Variants in OPCML observed in about 807,000 individuals in gnomAD.
OPCML encodes opioid binding protein/cell adhesion molecule like.
In OPCML, 13 loss-of-function variants were observed where a neutral mutation model predicts 37.8. That is an observed-to-expected ratio of 0.34 (90% CI 0.22 to 0.55). The LOEUF (loss-of-function observed/expected upper bound fraction) is 0.55, where lower values mean the gene tolerates loss of function less well. Among genes scored for constraint, OPCML ranks in the 20% least tolerant of loss-of-function variants. The probability of loss-of-function intolerance (pLI) is 0.91; values close to 1 mark genes in which losing one functional copy is unlikely to be tolerated. For missense variants in OPCML, 341 were observed against 435.6 expected, an observed-to-expected ratio of 0.78 and a Z score of 1.93; for synonymous variants, 176 against 168.8, an observed-to-expected ratio of 1.04 and a Z score of -0.33.
At chr11:132,463,148 C>G (rs1434544271) in intron 4 of OPCML, among the ~76,000 whole-genome samples, 1 of 152,222 alleles carries the variant, frequency 6.6e-6, no homozygotes. Context: ...ATACAATCTT[C>G]CAGTTTCACT....
chr11:132,941,995 T>G (rs1472951343), intron 2 of OPCML, among the ~76,000 whole-genome samples: 1 of 152,192 alleles, frequency 6.6e-6, no homozygotes, highest in South Asian at 2.1e-4. Flanking sequence ...ATTGTCACCA[T>G]AACCATCAAA....
chr11:133,489,961 TA>T (rs1214229483), intron 1 of OPCML, among the ~76,000 whole-genome samples: 1 of 151,944 alleles, frequency 6.6e-6, no homozygotes, highest in Non-Finnish European at 1.5e-5. Flanking sequence ...TACTCAGTCA[TA>T]AAAAAATGAA....
chr11:133,057,195 G>C (rs1948256282), intron 1 of OPCML, among the ~76,000 whole-genome samples: 1 of 152,206 alleles, frequency 6.6e-6, no homozygotes, highest in South Asian at 2.1e-4. Flanking sequence ...CCAGGGTTCT[G>C]TTCCTTAGAT....
At chr11:132,488,665 T>C (rs1320610462) in intron 4 of OPCML, among the ~76,000 whole-genome samples, 2 of 152,238 alleles carry the variant, frequency 1.3e-5, no homozygotes, top group Non-Finnish European at 1.5e-5. Flanking sequence ...TGTTTAAATT[T>C]TTTCTTTAGT....
intron 1 of OPCML, among the ~76,000 whole-genome samples, chr11:133,165,256 G>C (rs1950194591): frequency 6.6e-6 from 1 of 152,212 alleles, no homozygotes; most frequent in Non-Finnish European, 1.5e-5. Flanking sequence ...GGGTTTTCCT[G>C]TGCCAAAGCT....
At chr11:133,259,566 A>G (rs1941425284) in intron 1 of OPCML, among the ~76,000 whole-genome samples, 1 of 152,240 alleles carries the variant, frequency 6.6e-6, no homozygotes, top group Admixed American at 6.5e-5. Flanking sequence ...TGAAAATCCC[A>G]AGTATTTCCA....
chr11:133,089,465 T>C (rs1948871418), intron 1 of OPCML, among the ~76,000 whole-genome samples: 1 of 152,226 alleles, frequency 6.6e-6, no homozygotes, highest in Non-Finnish European at 1.5e-5. Flanking sequence ...TATTAACTAA[T>C]GAATTAACTT....
chr11:132,458,053 G>A (rs564526297), intron 4 of OPCML, among the ~76,000 whole-genome samples: 2 of 152,270 alleles, frequency 1.3e-5, no homozygotes, highest in Non-Finnish European at 2.9e-5. Flanking sequence ...AAGTGGGATG[G>A]GAGGTGGGGA....
chr11:133,124,289 G>T (rs765420198), intron 1 of OPCML, among the ~76,000 whole-genome samples: 1 of 152,106 alleles, frequency 6.6e-6, no homozygotes, highest in Non-Finnish European at 1.5e-5. Context: ...TCAGCCCTAG[G>T]GTTCCCCCAT....
Position 133,458,219 on chromosome 11 carries a change from CATATAT to C in OPCML, c.61+74039_61+74044del, listed in dbSNP as rs565455697. Among the ~76,000 whole-genome samples, 119 of 120,212 alleles carry C rather than the reference CATATAT, an allele frequency of 9.9e-4. 1 individual carries two copies. Among genetic ancestry groups the C allele is most frequent in the Non-Finnish European group, 1.5e-3 (94 of 62,956 alleles). The allele number at this position is 120,212 out of a possible 152,430, so 78.9% of individuals were successfully genotyped here. On this transcript the variant is annotated intron_variant, in intron 1 of 7. Coordinates refer to ENST00000524381, the MANE Select transcript of OPCML (RefSeq NM_001012393.5). ...ATATACACGTGTGTGTATATATACA[CATATAT>C]ACACGTGTGTGTATATATACACATA...
At chr11:132,463,564 C>A (rs2096109917) in intron 4 of OPCML, among the ~76,000 whole-genome samples, 1 of 152,174 alleles carries the variant, frequency 6.6e-6, no homozygotes, top group Non-Finnish European at 1.5e-5. Flanking sequence ...CCCTGCTGTA[C>A]CACACTGCAA....
chr11:132,683,806 T>G (rs1943053320), intron 2 of OPCML, among the ~76,000 whole-genome samples: 1 of 152,184 alleles, frequency 6.6e-6, no homozygotes, highest in Non-Finnish European at 1.5e-5. Flanking sequence ...CAGAGGGACC[T>G]TGGGCAAGGG....
intron 1 of OPCML, among the ~76,000 whole-genome samples, chr11:133,112,592 G>T (rs554713988): frequency 5.9e-5 from 9 of 152,246 alleles, no homozygotes; most frequent in Admixed American, 2.0e-4. Flanking sequence ...ATAAATAAAA[G>T]GTGTCAGCAT....
intron 1 of OPCML, among the ~76,000 whole-genome samples, chr11:133,485,877 C>A (rs534972146): frequency 6.6e-6 from 1 of 152,242 alleles, no homozygotes; most frequent in East Asian, 1.9e-4. Flanking sequence ...TCACAGTCTA[C>A]TTAGTGCCAT....
intron 2 of OPCML, among the ~76,000 whole-genome samples, chr11:132,733,935 G>C (rs541436786): frequency 2.0e-5 from 3 of 152,232 alleles, no homozygotes; most frequent in South Asian, 4.2e-4. Context: ...TCAAGATTTT[G>C]AATTACATTG....
chr11:133,417,942 G>GAA (rs147647662), intron 1 of OPCML, among the ~76,000 whole-genome samples: 2 of 149,918 alleles, frequency 1.3e-5, no homozygotes, highest in African/African-American at 4.9e-5. Flanking sequence ...AAAAATATAG[G>GAA]AAAAAAAAAC....
At chr11:132,743,325 T>C (rs1181758099) in intron 2 of OPCML, among the ~76,000 whole-genome samples, 1 of 152,062 alleles carries the variant, frequency 6.6e-6, no homozygotes, top group Non-Finnish European at 1.5e-5. Context: ...CTCTACTAGA[T>C]TAGCACTGGG....
intron 1 of OPCML, among the ~76,000 whole-genome samples, chr11:133,400,224 T>C (rs1447586780): frequency 2.6e-5 from 4 of 152,240 alleles, no homozygotes; most frequent in Non-Finnish European, 5.9e-5. Flanking sequence ...ATTTGTAGAA[T>C]GTTCAAGTTG....
intron 4 of OPCML, among the ~76,000 whole-genome samples, chr11:132,494,900 A>G (rs977774473): frequency 8.5e-5 from 13 of 152,318 alleles, no homozygotes; most frequent in Admixed American, 2.0e-4. Flanking sequence ...AGAGGAAGCT[A>G]TTAATTGTCT....
Sources: allele counts gnomAD v4.1 joint callset (sites outside exome capture counted in the v4.1 genomes callset), GRCh38; gene constraint gnomAD v4.1.1; transcripts MANE v1.5; gene names NCBI Gene and HGNC (gene_info 2026-07-23, HGNC 2026-07-21).